Variants in SYNDIG1L observed in about 807,000 individuals in gnomAD.
SYNDIG1L encodes the protein synapse differentiation inducing 1 like, also known as synapse differentiation-inducing gene protein 1-like.
A neutral mutation model predicts 20.1 loss-of-function variants in SYNDIG1L; 13 were observed. The observed-to-expected ratio is 0.65, with a 90% CI of 0.42 to 1.03. SYNDIG1L has a LOEUF of 1.03. Among genes scored for constraint, SYNDIG1L ranks in the 50% least tolerant of loss-of-function variants. SYNDIG1L has a pLI of 0.00. For synonymous variants in SYNDIG1L, 128 were observed against 129.3 expected, an observed-to-expected ratio of 0.99 and a Z score of 0.07; for missense variants, 294 against 305.1, an observed-to-expected ratio of 0.96 and a Z score of 0.27.
the SYNDIG1L span, among the ~76,000 whole-genome samples, chr14:74,471,596 TCACA>T: frequency 4.7e-5 from 7 of 149,708 alleles, no homozygotes; most frequent in East Asian, 1.9e-4. Context: ...AGACCCTATC[TCACA>T]CACACACACA....
At chr14:74,435,082 C>CAAAAA in the SYNDIG1L span, among the ~76,000 whole-genome samples, 2 of 54,982 alleles carry the variant, frequency 3.6e-5, no homozygotes, top group Admixed American at 2.7e-4. Context: ...GACTCCGTCT[C>CAAAAA]AAAAAAAAAA....
chr14:74,436,713 G>T, the SYNDIG1L span, among the ~76,000 whole-genome samples: 1 of 152,072 alleles, frequency 6.6e-6, no homozygotes, highest in South Asian at 2.1e-4. Context: ...AGTCAGGCGT[G>T]GTGGGACGCG....
the SYNDIG1L span, among the ~76,000 whole-genome samples, chr14:74,437,960 G>A: frequency 6.6e-6 from 1 of 152,176 alleles, no homozygotes; most frequent in Non-Finnish European, 1.5e-5. Context: ...AAAGAAGCTG[G>A]GATGTGGACA....
chr14:74,410,498 A>G (rs868860888), intron 1 of SYNDIG1L, among the ~76,000 whole-genome samples: 1 of 152,146 alleles, frequency 6.6e-6, no homozygotes, highest in Non-Finnish European at 1.5e-5. Context: ...TGGGTCCTGA[A>G]GCCTTCCCCA....
At chr14:74,418,510 C>A (rs534291658) in intron 1 of SYNDIG1L, among the ~76,000 whole-genome samples, 1 of 152,198 alleles carries the variant, frequency 6.6e-6, no homozygotes, top group African/African-American at 2.4e-5. Context: ...ATTGTAAAAC[C>A]TGGCTGCAAA....
At chr14:74,436,135 C>T in the SYNDIG1L span, among the ~76,000 whole-genome samples, 1 of 151,980 alleles carries the variant, frequency 6.6e-6, no homozygotes. Context: ...AGGACAAATA[C>T]ATATATGTAC....
At chr14:74,424,134 G>A (rs546856578) in intron 1 of SYNDIG1L, among the ~76,000 whole-genome samples, 1 of 152,206 alleles carries the variant, frequency 6.6e-6, no homozygotes, top group Admixed American at 6.5e-5. Flanking sequence ...GATAAAGCCG[G>A]CATCCTGTAT....
the SYNDIG1L span, among the ~76,000 whole-genome samples, chr14:74,442,039 T>C: frequency 6.6e-6 from 1 of 152,166 alleles, no homozygotes; most frequent in African/African-American, 2.4e-5. Context: ...GCTGGGTACA[T>C]GACTTAACCT....
At chr14:74,476,252 C>G in the SYNDIG1L span, 1 of 600,488 alleles carries the variant, frequency 1.7e-6, no homozygotes, top group Non-Finnish European at 3.0e-6. Flanking sequence ...TGCTGCTGGC[C>G]TGCTCTCTGC....
the SYNDIG1L span, among the ~76,000 whole-genome samples, chr14:74,467,779 C>T: frequency 1.3e-5 from 2 of 152,158 alleles, no homozygotes; most frequent in South Asian, 4.1e-4. Context: ...CCCAGCCAGG[C>T]CCAGGGGAGA....
At chr14:74,460,945 T>A in the SYNDIG1L span, among the ~76,000 whole-genome samples, 1 of 150,374 alleles carries the variant, frequency 6.7e-6, no homozygotes, top group African/African-American at 2.5e-5. Context: ...CAACTGTGCC[T>A]GGCTTCTTTT....
chr14:74,434,175 T>G, the SYNDIG1L span, among the ~76,000 whole-genome samples: 2 of 152,226 alleles, frequency 1.3e-5, no homozygotes, highest in Non-Finnish European at 2.9e-5. Context: ...ACATTCCTCT[T>G]TATCCTGTTT....
At chr14:74,414,041 G>A (rs987124421) in intron 1 of SYNDIG1L, among the ~76,000 whole-genome samples, 9 of 152,224 alleles carry the variant, frequency 5.9e-5, no homozygotes, top group Non-Finnish European at 1.0e-4. Flanking sequence ...GCTTGGCCTG[G>A]CCTTTCAGCC....
At chr14:74,479,803 T>C in the SYNDIG1L span, 2 of 268,226 alleles carry the variant, frequency 7.5e-6, no homozygotes, top group South Asian at 4.6e-5. Flanking sequence ...ATGGTCTTAC[T>C]GGACAAAAAG....
the SYNDIG1L span, among the ~76,000 whole-genome samples, chr14:74,477,118 A>AAC: frequency 0.053 from 4,415 of 83,100 alleles, 396 homozygotes; most frequent in African/African-American, 0.14. Flanking sequence ...CCCCATTCCC[A>AAC]ACACACACAC....
intron 1 of SYNDIG1L, among the ~76,000 whole-genome samples, chr14:74,418,364 C>T (rs2086194131): frequency 6.6e-6 from 1 of 152,222 alleles, no homozygotes; most frequent in South Asian, 2.1e-4. Context: ...CTCAGTTTGC[C>T]TTCTCAGCAA....
chr14:74,406,250 C>T lies in SYNDIG1L; in HGVS notation c.*1285G>A. ...ATCAGTGAAGATGCCCCAGGGGTAA[C>T]CAGGTACCCACCACTGACCCCCTAG... On this transcript the variant is annotated 3_prime_UTR_variant, in exon 4 of 4. Coordinates refer to ENST00000331628, the MANE Select transcript of SYNDIG1L (RefSeq NM_001105579.2). 1 of 396,844 alleles carries T rather than the reference C, an allele frequency of 2.5e-6. No homozygotes were observed. The highest frequency in any genetic ancestry group is 4.4e-6 in the Non-Finnish European group (1 of 225,510). The allele number at this position is 396,844 out of a possible 1,614,324, so 24.6% of individuals were successfully genotyped here.
the SYNDIG1L span, among the ~76,000 whole-genome samples, chr14:74,473,197 C>T: frequency 2.0e-5 from 3 of 151,938 alleles, no homozygotes. Context: ...ACTAGCCTGG[C>T]CAATATAGTG....
chr14:74,477,607 T>C, the SYNDIG1L span, among the ~76,000 whole-genome samples: 1 of 147,620 alleles, frequency 6.8e-6, no homozygotes, highest in Non-Finnish European at 1.5e-5. Flanking sequence ...AATTACTCCA[T>C]GCTTGTTGCT....
Sources: gnomAD v4.1 joint callset for allele counts (sites outside exome capture counted in the v4.1 genomes callset) on GRCh38, gnomAD v4.1.1 for gene constraint, MANE v1.5 for transcripts, NCBI Gene and HGNC (gene_info 2026-07-23, HGNC 2026-07-21) for gene names.